The following GSK3B variants were observed in gnomAD, a reference collection of about 807,000 sequenced individuals.
GSK3B encodes the protein glycogen synthase kinase 3 beta.
In GSK3B, 15 loss-of-function variants were observed where a neutral mutation model predicts 56.4. That is an observed-to-expected ratio of 0.27 (90% CI 0.18 to 0.41). GSK3B has a LOEUF of 0.41. GSK3B is among the 10% of genes least tolerant of loss of function. GSK3B has a pLI of 1.00. For synonymous variants in GSK3B, 181 were observed against 188.9 expected (o/e 0.96, Z 0.34); for missense variants, 300 against 513.4 (o/e 0.58, Z 4.02).
chr3:120,049,810 C>T (rs1297734648), intron 1 of GSK3B, among the ~76,000 whole-genome samples: 2 of 152,132 alleles, frequency 1.3e-5, no homozygotes, highest in African/African-American at 2.4e-5. Flanking sequence ...GTAAACATTT[C>T]GGGCTTTGCA....
At chr3:119,912,045 T>A (rs1292882466) in intron 6 of GSK3B, among the ~76,000 whole-genome samples, 1 of 152,194 alleles carries the variant, frequency 6.6e-6, no homozygotes, top group African/African-American at 2.4e-5. Flanking sequence ...ACAATTTCGA[T>A]ATGCCTTCCT....
At chr3:119,984,050 A>T (rs2057489877) in intron 2 of GSK3B, among the ~76,000 whole-genome samples, 1 of 152,192 alleles carries the variant, frequency 6.6e-6, no homozygotes, top group Non-Finnish European at 1.5e-5. Context: ...GGATTAAGAA[A>T]CTCACTCAAA....
chr3:119,940,884 G>A (rs1401842477), intron 3 of GSK3B, among the ~76,000 whole-genome samples: 1 of 152,090 alleles, frequency 6.6e-6, no homozygotes. Context: ...CCTCTTCATA[G>A]AACCGTTGTG....
chr3:119,990,442 C>A (rs1216240507), intron 2 of GSK3B, among the ~76,000 whole-genome samples: 1 of 152,182 alleles, frequency 6.6e-6, no homozygotes, highest in East Asian at 1.9e-4. Context: ...AACTGCCAGC[C>A]ACATTTCGTG....
intron 10 of GSK3B, among the ~76,000 whole-genome samples, chr3:119,839,146 T>A (rs895914322): frequency 6.6e-6 from 1 of 152,204 alleles, no homozygotes; most frequent in African/African-American, 2.4e-5. Context: ...TAGGCCACAA[T>A]CTGGGTATGA....
chr3:119,916,001 G>C (rs2056776622), intron 5 of GSK3B, 43 bp downstream of exon 5: 3 of 1,390,382 alleles, frequency 2.2e-6, no homozygotes, highest in African/African-American at 1.4e-5. Flanking sequence ...AGTAGGGGGA[G>C]GAGGGGAAAA....
intron 3 of GSK3B, among the ~76,000 whole-genome samples, chr3:119,931,098 A>T (rs1386228395): frequency 2.0e-5 from 3 of 152,234 alleles, no homozygotes; most frequent in African/African-American, 7.2e-5. Context: ...ATATGTAGGG[A>T]AAACAGTAGT....
At chr3:119,912,847 C>A (rs767152518) in intron 5 of GSK3B, 37 bp from the exon 6 acceptor site, 38 of 1,066,820 alleles carry the variant, frequency 3.6e-5, no homozygotes, top group Non-Finnish European at 5.1e-5. Flanking sequence ...AGCAGAAATT[C>A]TTTAAATCTA....
rs187259592 is a variant in GSK3B at position 120,019,106 on chromosome 3, G to A, written c.89-16867C>T. ...CATCACATAATAGTTTTAGGCATCT[G>A]TTGAATTAGCTAAAGTACAATATTT... On this transcript the variant is annotated intron_variant, in intron 1 of 10. Coordinates refer to ENST00000264235, the MANE Select transcript of GSK3B (RefSeq NM_001146156.2). 5.3e-5 allele frequency among the ~76,000 whole-genome samples: 8 copies of A among 152,250 alleles called. No homozygotes were observed. The East Asian group carries it at 1.3e-3, about 26-fold the overall frequency.
In GSK3B at chr3:120,021,329, C is replaced by A. The variant is rs1266042769; in HGVS notation, c.89-19090G>T. Among the ~76,000 whole-genome samples, 6 of 151,042 alleles carry A rather than the reference C, an allele frequency of 4.0e-5. No individual in the cohort carries two copies. The East Asian group carries it at 1.2e-3, about 29-fold the overall frequency. On this transcript the variant is annotated intron_variant, in intron 1 of 10. Transcript: ENST00000264235. ...GACCAGCCTGGCCAAGATGGTGAAA[C>A]CCCGTCTCTACTAAAAATACAAAAA...
intron 1 of GSK3B, among the ~76,000 whole-genome samples, chr3:120,016,059 G>A (rs2057824298): frequency 6.6e-6 from 1 of 152,166 alleles, no homozygotes; most frequent in South Asian, 2.1e-4. Flanking sequence ...TTTCTTTAGA[G>A]CATCAATATG....
At chr3:119,889,660 G>A (rs530258740) in intron 7 of GSK3B, among the ~76,000 whole-genome samples, 159 of 152,186 alleles carry the variant, frequency 1.0e-3, no homozygotes, top group African/African-American at 3.8e-3. Flanking sequence ...GGGATGAAAG[G>A]AAAACAAATA....
intron 2 of GSK3B, 77 bp downstream of exon 2, chr3:120,001,969 A>C (rs960086744): frequency 2.2e-5 from 21 of 939,266 alleles, no homozygotes; most frequent in Non-Finnish European, 2.9e-5. Context: ...AAGCAAAAAG[A>C]AGCAACTAAA....
intron 1 of GSK3B, among the ~76,000 whole-genome samples, chr3:120,039,177 C>A (rs1386614126): frequency 6.6e-6 from 1 of 152,156 alleles, no homozygotes; most frequent in Non-Finnish European, 1.5e-5. Flanking sequence ...GCTAAAATCC[C>A]AAACACTGAC....
intron 8 of GSK3B, among the ~76,000 whole-genome samples, chr3:119,866,020 G>A (rs902252217): frequency 1.3e-5 from 2 of 152,060 alleles, no homozygotes; most frequent in Admixed American, 6.6e-5. Flanking sequence ...GATGAGAAAA[G>A]CCTAGGTTCA....
At chr3:119,947,703 A>C (rs919906119) in intron 2 of GSK3B, among the ~76,000 whole-genome samples, 2 of 152,068 alleles carry the variant, frequency 1.3e-5, no homozygotes, top group African/African-American at 4.8e-5. Flanking sequence ...TTTCACAAAA[A>C]CAACAGTCTC....
chr3:119,905,873 A>T, intron 6 of GSK3B, 21 bp from the exon 7 acceptor site: 1 of 1,328,146 alleles, frequency 7.5e-7, no homozygotes, highest in Non-Finnish European at 1.1e-6. Flanking sequence ...AAGAAAACGA[A>T]GCCTTATTAA....
At chr3:120,022,784 A>C (rs79282672) in intron 1 of GSK3B, among the ~76,000 whole-genome samples, 3,939 of 152,268 alleles carry the variant, frequency 0.026, 172 homozygotes, top group African/African-American at 0.089. Context: ...TAAATAAAAG[A>C]CACTGGAATA....
At chr3:120,002,629 C>A (rs994854716) in intron 1 of GSK3B, among the ~76,000 whole-genome samples, 1 of 152,172 alleles carries the variant, frequency 6.6e-6, no homozygotes, top group African/African-American at 2.4e-5. Context: ...TCAGCCACCA[C>A]GCCTGGTCAA....
Sources: allele counts gnomAD v4.1 joint callset (sites outside exome capture counted in the v4.1 genomes callset), GRCh38; gene constraint gnomAD v4.1.1; transcripts MANE v1.5; gene names NCBI Gene and HGNC (gene_info 2026-07-23, HGNC 2026-07-21).